The following MDGA1 variants were observed in gnomAD, a reference collection of about 807,000 sequenced individuals.
The protein encoded by MDGA1 is MAM domain containing glycosylphosphatidylinositol anchor 1, also known as MAM domain-containing glycosylphosphatidylinositol anchor protein 1.
In MDGA1, 54 loss-of-function variants were observed where a neutral mutation model predicts 101.5. The ratio of observed to expected loss-of-function variants is 0.53; its 90% CI spans 0.43 to 0.67. MDGA1 has a LOEUF of 0.67. Ranked by LOEUF, MDGA1 falls within the 30% of genes least tolerant of loss-of-function variation. The pLI, the probability that MDGA1 is intolerant of heterozygous loss-of-function variation, is 0.00. For synonymous variants in MDGA1, 533 were observed against 558.3 expected (o/e 0.95, Z 0.64); for missense variants, 1,083 against 1,323.8 (o/e 0.82, Z 2.82).
chr6:37,638,563 G>T lies in MDGA1; in HGVS notation c.2641C>A (p.Pro881Thr). The change falls in exon 15 of 17, where the codon CCC becomes ACC. Residue 881 changes from proline (P) to threonine (T), a missense_variant. Coordinates refer to ENST00000434837, the MANE Select transcript of MDGA1 (RefSeq NM_153487.4). This position sits in a 1 kb window ranked among gnomAD's most constrained non-coding sequence, Gnocchi z 4.8. ...KGNVWQQAHV[P>T]ISPSGPFQII... ...TGGAAGGGCCCACTGGGGCTGATGG[G>T]CACATGGGCCTGCTGCCACACATTG... The T allele has an allele frequency of 6.2e-7, 1 of 1,614,006 alleles. No homozygotes were observed.
chr6:37,681,063 G>GGGCTGGC (rs1231590600), intron 1 of MDGA1, among the ~76,000 whole-genome samples: 1 of 152,164 alleles, frequency 6.6e-6, no homozygotes, highest in African/African-American at 2.4e-5. Flanking sequence ...GGTTAAGGGG[G>GGGCTGGC]ATGGGTCTGG....
intron 1 of MDGA1, among the ~76,000 whole-genome samples, chr6:37,692,684 TC>T (rs1408457366): frequency 6.7e-6 from 1 of 148,296 alleles, no homozygotes; most frequent in African/African-American, 2.5e-5. Flanking sequence ...CCACCCCCCT[TC>T]CCCCCCAGCC....
chr6:37,640,115 T>C lies in MDGA1; in HGVS notation c.2537-1448A>G, dbSNP rs572677171. On this transcript the variant is annotated intron_variant, in intron 14 of 16. Coordinates refer to ENST00000434837, the MANE Select transcript of MDGA1 (RefSeq NM_153487.4). ...AAGGACTCAGAGTTCACCGGAAGGA[T>C]AGAGGGCTCCCAGCTCAAACCTAGG... Among the ~76,000 whole-genome samples, 4 of 152,186 alleles carry C rather than the reference T, an allele frequency of 2.6e-5. No individual in the cohort carries two copies. In the East Asian group the frequency reaches 7.7e-4, roughly 29 times the overall value.
intron 1 of MDGA1, among the ~76,000 whole-genome samples, chr6:37,687,799 G>A (rs1433609306): frequency 6.6e-6 from 1 of 152,072 alleles, no homozygotes; most frequent in Non-Finnish European, 1.5e-5. Context: ...AAACAGGAAA[G>A]AGAATAAACA....
chr6:37,681,909 T>C (rs13195437), intron 1 of MDGA1, among the ~76,000 whole-genome samples: 12,878 of 152,264 alleles, frequency 0.085, 898 homozygotes, highest in East Asian at 0.37. Context: ...TTTGGGCACA[T>C]TGGGGCATCC....
intron 1 of MDGA1, among the ~76,000 whole-genome samples, chr6:37,670,529 TG>T (rs1761845750): frequency 6.7e-6 from 1 of 149,054 alleles, no homozygotes. Context: ...ATTTGCAAAA[TG>T]GGGTTGTTGT....
intron 1 of MDGA1, among the ~76,000 whole-genome samples, chr6:37,674,671 C>G (rs1016480785): frequency 6.6e-6 from 1 of 152,214 alleles, no homozygotes; most frequent in African/African-American, 2.4e-5. Flanking sequence ...GACAGGCCAC[C>G]AGGAAAGCCC....
intron 1 of MDGA1, among the ~76,000 whole-genome samples, chr6:37,685,727 G>T (rs1459023195): frequency 6.6e-6 from 1 of 152,084 alleles, no homozygotes; most frequent in African/African-American, 2.4e-5. Flanking sequence ...GGGGGCGCTG[G>T]CAGACGGGAA....
rs527730224 is a variant in MDGA1, at chr6:37,697,433, A to T, written c.-622T>A. Reference sequence around the variant, plus strand: ...AGCGCGGGCTGGGTTCGGCCGAGGGACGAGCGCCGCGGGTCCCCGGGTCCG... The same window carrying T: ...AGCGCGGGCTGGGTTCGGCCGAGGGTCGAGCGCCGCGGGTCCCCGGGTCCG... On this transcript the variant is annotated 5_prime_UTR_variant, in exon 1 of 17. Coordinates refer to ENST00000434837, the MANE Select transcript of MDGA1 (RefSeq NM_153487.4). 9.9e-5 allele frequency: 15 copies of T among 151,746 alleles called. No homozygotes were observed. The highest frequency in any genetic ancestry group is 3.6e-4 in the African/African-American group (15 of 41,342). The allele number at this position is 151,746 out of a possible 1,614,324, so 9.4% of individuals were successfully genotyped here.
intron 1 of MDGA1, among the ~76,000 whole-genome samples, chr6:37,685,299 TA>T (rs879758925): frequency 3.2e-3 from 455 of 142,430 alleles, no homozygotes; most frequent in African/African-American, 6.5e-3. Context: ...CTCAAAAAAT[TA>T]AAAAAAAAAA....
intron 1 of MDGA1, among the ~76,000 whole-genome samples, chr6:37,672,599 C>T (rs557580287): frequency 2.6e-5 from 4 of 152,256 alleles, no homozygotes; most frequent in South Asian, 2.1e-4. Context: ...CAAAATTCCC[C>T]GCCCAGAGTT....
At chr6:37,654,751 G>T (rs1285262307) in intron 5 of MDGA1, 49 bp downstream of exon 5, 1 of 1,608,962 alleles carries the variant, frequency 6.2e-7, no homozygotes, top group Middle Eastern at 1.7e-4. Context: ...TCTCCTGGTT[G>T]GGAGTTAGCT....
At chr6:37,694,638 T>C (rs1762379423) in intron 1 of MDGA1, among the ~76,000 whole-genome samples, 1 of 151,022 alleles carries the variant, frequency 6.6e-6, no homozygotes, top group African/African-American at 2.5e-5. Context: ...GATTCTAGCA[T>C]CACAAGGAAC....
In MDGA1 at chr6:37,654,895, G is replaced by T; in HGVS notation, c.617C>A (p.Pro206His). The change falls in exon 5 of 17, where the codon CCC (proline) becomes CAC (histidine). Residue 206 changes from proline (P) to histidine (H), a missense_variant. Physicochemically the swap from Pro to His is moderately conservative, Grantham distance 77. Around this residue, in one of 3 missense-constraint regions of MDGA1, gnomAD observed 310 missense variants for 355.9 expected, o/e 0.87. Coordinates refer to ENST00000434837, the MANE Select transcript of MDGA1 (RefSeq NM_153487.4). The part of the protein sequence containing the change: ...TKVLKLKNLR[P>H]QDYASYTCQV... ...GCAGGTGTAGCTGGCATAGTCCTGG[G>T]GCCGCAGGTTCTTCAGCTTCAGGAC... The T allele has an allele frequency of 1.2e-6, 2 of 1,613,700 alleles. No homozygotes were observed. Among genetic ancestry groups the T allele is most frequent in the Non-Finnish European group, 1.7e-6 (2 of 1,179,828 alleles).
At position 37,649,870 on chromosome 6, in the gene MDGA1, A is replaced by AT. The variant is rs796633403; in HGVS notation, c.1609+238dup. 2,568 of 623,720 alleles carry AT rather than the reference A, an allele frequency of 4.1e-3. 8 individuals are homozygous for AT. The highest frequency in any genetic ancestry group is 0.01 in the South Asian group (606 of 59,336). 38.6% of individuals were successfully genotyped at this position (623,720 alleles called of 1,614,324 possible). On this transcript the variant is annotated intron_variant, in intron 8 of 16. Coordinates refer to ENST00000434837, the MANE Select transcript of MDGA1 (RefSeq NM_153487.4). ...CATTTCCACCTGGCAAAATCAAGTA[A>AT]TTTTTTTTTTGTTCACCGGGTCCCT...
chr6:37,646,774 C>T (rs1027201930), intron 10 of MDGA1, among the ~76,000 whole-genome samples: 1 of 152,116 alleles, frequency 6.6e-6, no homozygotes, highest in African/African-American at 2.4e-5. Context: ...AGACTGGGCA[C>T]GAGAACAACA....
At chr6:37,680,133 C>T (rs149546638) in intron 1 of MDGA1, among the ~76,000 whole-genome samples, 24 of 152,090 alleles carry the variant, frequency 1.6e-4, no homozygotes, top group Middle Eastern at 3.4e-3. Flanking sequence ...CTCCCGGGGG[C>T]GGGGGTGGGG....
chr6:37,655,700 C>G lies in MDGA1; in HGVS notation c.579G>C (p.Gln193His). Reference protein sequence around the residue: ...GVDIYEPLYTQGETKVLKLKN... With the variant: ...GVDIYEPLYTHGETKVLKLKN... Reference sequence around the variant, plus strand: ...GGGCGAGCCAGCTGCCCATCCTGACCTGAGTGTAGAGGGGCTCATAGATGT... The same window carrying G: ...GGGCGAGCCAGCTGCCCATCCTGACGTGAGTGTAGAGGGGCTCATAGATGT... The change falls in exon 4 of 17, where the codon CAG becomes CAC. Residue 193 changes from glutamine to histidine, a missense_variant and splice_region_variant. This residue lies in a region of MDGA1 where 310 missense variants were observed against 355.9 expected (regional missense o/e 0.87). Transcript: ENST00000434837. This position sits in a 1 kb window ranked among gnomAD's most constrained non-coding sequence, Gnocchi z 5.1. 1.2e-6 allele frequency: 2 copies of G among 1,606,078 alleles called. No homozygotes were observed. Among genetic ancestry groups the G allele is most frequent in the Non-Finnish European group, 8.5e-7 (1 of 1,175,842 alleles).
chr6:37,635,940 C>T lies in MDGA1; in HGVS notation c.*1428G>A. On this transcript the variant is annotated 3_prime_UTR_variant, in exon 17 of 17. Transcript: ENST00000434837. ...AGAAACGAATGGGTCTCAATCCAGT[C>T]TCACAGGCAGATATGTGAGATTGCA... 2.5e-6 allele frequency: 1 copy of T among 394,306 alleles called. No individual in the cohort carries two copies. The highest frequency in any genetic ancestry group is 4.5e-6 in the Non-Finnish European group (1 of 223,514). The allele number at this position is 394,306 out of a possible 1,614,324, so 24.4% of individuals were successfully genotyped here. A position where few individuals can be genotyped will look rare whatever the true frequency, so the allele number is the denominator to read the frequency against.
Sources: allele counts gnomAD v4.1 joint callset (sites outside exome capture counted in the v4.1 genomes callset), GRCh38; gene constraint gnomAD v4.1.1; regional missense constraint gnomAD v4.1.1; non-coding constraint Gnocchi (gnomAD v3.1); transcripts MANE v1.5; gene names NCBI Gene and HGNC (gene_info 2026-07-23, HGNC 2026-07-21).